COL5A2: variants seen among roughly 807,000 people sequenced by gnomAD.
The protein encoded by COL5A2 is collagen alpha-2(V) chain.
Under a neutral mutation model 208.2 loss-of-function variants are expected in COL5A2, and 23 were observed. The ratio of observed to expected loss-of-function variants is 0.11; its 90% CI spans 0.08 to 0.16. The LOEUF is 0.16. Ranked by LOEUF, COL5A2 falls within the 10% of genes least tolerant of loss-of-function variation. COL5A2 has a pLI of 1.00. For synonymous variants in COL5A2, 625 were observed against 628.5 expected (o/e 0.99, Z 0.08); for missense variants, 1,590 against 1,956.4 (o/e 0.81, Z 3.53).
chr2:189,363,743 T>C, the COL5A2 span, among the ~76,000 whole-genome samples: 35 of 152,180 alleles, frequency 2.3e-4, no homozygotes, highest in African/African-American at 7.5e-4. Context: ...ATGAGTGGCA[T>C]TGGAATCTGG....
chr2:189,053,615 TA>T, intron 37 of COL5A2, 138 bp from the exon 38 acceptor site: 1 of 824,012 alleles, frequency 1.2e-6, no homozygotes, highest in South Asian at 1.6e-5. Flanking sequence ...GGAAGGTCCT[TA>T]AGGATTATAT....
At chr2:189,328,367 G>C in the COL5A2 span, among the ~76,000 whole-genome samples, 1 of 152,180 alleles carries the variant, frequency 6.6e-6, no homozygotes, top group African/African-American at 2.4e-5. Context: ...AGTAGATACA[G>C]CTTTGACTCC....
At chr2:189,147,877 A>G (rs1036217357) in intron 1 of COL5A2, among the ~76,000 whole-genome samples, 1 of 152,124 alleles carries the variant, frequency 6.6e-6, no homozygotes, top group Admixed American at 6.6e-5. Context: ...GAGAAGCTTT[A>G]TCTCCTCTCT....
chr2:189,295,882 A>T, the COL5A2 span, among the ~76,000 whole-genome samples: 1 of 152,212 alleles, frequency 6.6e-6, no homozygotes, highest in Non-Finnish European at 1.5e-5. Context: ...GTGAAATCCC[A>T]CATCAATCAA....
At chr2:189,374,968 T>G in the COL5A2 span, among the ~76,000 whole-genome samples, 1 of 151,866 alleles carries the variant, frequency 6.6e-6, no homozygotes, top group Non-Finnish European at 1.5e-5. Flanking sequence ...AAATATGCCC[T>G]CATAATGTAA....
chr2:189,329,590 A>G, the COL5A2 span, among the ~76,000 whole-genome samples: 2 of 152,212 alleles, frequency 1.3e-5, no homozygotes, highest in African/African-American at 4.8e-5. Flanking sequence ...GCATAAACAT[A>G]TATAATTTTT....
intron 1 of COL5A2, among the ~76,000 whole-genome samples, chr2:189,223,786 A>T (rs1168350799): frequency 6.6e-6 from 1 of 152,080 alleles, no homozygotes; most frequent in African/African-American, 2.4e-5. Context: ...AGGGGAAGGG[A>T]TAGATGGTAC....
the COL5A2 span, among the ~76,000 whole-genome samples, chr2:189,337,663 G>T: frequency 5.5e-3 from 841 of 152,126 alleles, 6 homozygotes; most frequent in Middle Eastern, 0.021. Context: ...AACAGAAGGG[G>T]TTACAATCTT....
intron 1 of COL5A2, among the ~76,000 whole-genome samples, chr2:189,131,604 T>C (rs559518469): frequency 1.3e-5 from 2 of 152,262 alleles, no homozygotes; most frequent in African/African-American, 4.8e-5. Flanking sequence ...AAACAGCAAC[T>C]AGGCCTGGAG....
At chr2:189,301,534 CA>C in the COL5A2 span, among the ~76,000 whole-genome samples, 1 of 152,070 alleles carries the variant, frequency 6.6e-6, no homozygotes, top group Non-Finnish European at 1.5e-5. Context: ...ACCAAATTTA[CA>C]AATCTATATG....
the COL5A2 span, among the ~76,000 whole-genome samples, chr2:189,314,857 T>C: frequency 6.6e-6 from 1 of 152,096 alleles, no homozygotes; most frequent in African/African-American, 2.4e-5. Context: ...TCTGGACACA[T>C]ACACCCTCCT....
chr2:189,228,179 G>T (rs1473005949), upstream of COL5A2, among the ~76,000 whole-genome samples: 1 of 151,758 alleles, frequency 6.6e-6, no homozygotes, highest in Non-Finnish European at 1.5e-5. Flanking sequence ...TCTGAAGGAA[G>T]TTTAAAGCAA....
the COL5A2 span, among the ~76,000 whole-genome samples, chr2:189,307,701 G>A: frequency 6.6e-6 from 1 of 152,164 alleles, no homozygotes; most frequent in Non-Finnish European, 1.5e-5. Flanking sequence ...GATTGATAAT[G>A]TTTACTAAAC....
chr2:189,051,164 C>T lies in COL5A2; in HGVS notation c.2931+156G>A, dbSNP rs1053728936. 2.6e-5 allele frequency among the ~76,000 whole-genome samples: 4 copies of T among 151,944 alleles called. No individual in the cohort carries two copies. The highest frequency in any genetic ancestry group is 4.8e-5 in the African/African-American group (2 of 41,364). On this transcript the variant is annotated intron_variant, in intron 42 of 53. Transcript: ENST00000374866. ...TATTTTTAAAATCTATATATATACA[C>T]GTTTTTCCTAAAGCCTTATAGATTT...
intron 7 of COL5A2, among the ~76,000 whole-genome samples, chr2:189,091,335 T>C (rs1686779156): frequency 6.6e-6 from 1 of 152,228 alleles, no homozygotes; most frequent in African/African-American, 2.4e-5. Context: ...ATGCAGTCTA[T>C]TCCTGGTGAA....
the COL5A2 span, among the ~76,000 whole-genome samples, chr2:189,250,408 AG>A: frequency 4.6e-5 from 7 of 152,352 alleles, no homozygotes; most frequent in Admixed American, 2.6e-4. Flanking sequence ...CCATGCTCTT[AG>A]CCAAGTAACA....
intron 1 of COL5A2, among the ~76,000 whole-genome samples, chr2:189,136,865 G>A (rs1421022636): frequency 6.6e-6 from 1 of 152,020 alleles, no homozygotes; most frequent in Admixed American, 6.6e-5. Context: ...AGTAAAACAT[G>A]GCAAGCTATA....
At chr2:189,097,504 G>A (rs939207732) in intron 5 of COL5A2, 174 bp from the exon 6 acceptor site, 4 of 724,196 alleles carry the variant, frequency 5.5e-6, no homozygotes, top group African/African-American at 5.3e-5. Flanking sequence ...ACGCTTAGAA[G>A]CGTTGTTTAT....
chr2:189,135,667 AAC>A (rs1257519014), intron 1 of COL5A2, among the ~76,000 whole-genome samples: 3 of 152,230 alleles, frequency 2.0e-5, no homozygotes, highest in African/African-American at 7.2e-5. Context: ...AATGAAAAAG[AAC>A]ACATATTTTA....
Sources: allele counts gnomAD v4.1 joint callset (sites outside exome capture counted in the v4.1 genomes callset), GRCh38; gene constraint gnomAD v4.1.1; transcripts MANE v1.5; gene names NCBI Gene and HGNC (gene_info 2026-07-23, HGNC 2026-07-21).